The following SHE variants were observed in gnomAD, a reference collection of about 807,000 sequenced individuals.
The protein encoded by SHE is Src homology 2 domain containing E.
SHE carries 11 observed loss-of-function variants against 49.8 expected under a neutral mutation model. The ratio of observed to expected loss-of-function variants is 0.22; its 90% CI spans 0.14 to 0.37. The LOEUF is 0.37. Ranked by LOEUF, SHE falls within the 10% of genes least tolerant of loss-of-function variation. The pLI is 1.00. For synonymous variants in SHE, 310 were observed against 278.1 expected (o/e 1.11, Z -1.14); for missense variants, 624 against 655.5 (o/e 0.95, Z 0.52).
intron 5 of SHE, chr1:154,485,012 C>T (rs989426908): frequency 6.6e-6 from 1 of 151,574 alleles, no homozygotes; most frequent in Admixed American, 6.6e-5. Flanking sequence ...AAAACTCATC[C>T]TCCTCACCAC....
At chr1:154,489,503 CCT>C in intron 2 of SHE, 147 bp from the exon 3 acceptor site, 15 of 995,684 alleles carry the variant, frequency 1.5e-5, no homozygotes, top group Non-Finnish European at 2.2e-5. Flanking sequence ...AAGATTGCTC[CCT>C]GATAGGTTGA....
chr1:154,488,144 T>C (rs1458871436), intron 3 of SHE, among the ~76,000 whole-genome samples: 2 of 151,998 alleles, frequency 1.3e-5, no homozygotes, highest in Non-Finnish European at 2.9e-5. Flanking sequence ...CGTTTCACCA[T>C]GTTGGCCAGG....
At chr1:154,474,350 T>C (rs1430861324) in intron 1 of SHE, among the ~76,000 whole-genome samples, 1 of 152,152 alleles carries the variant, frequency 6.6e-6, no homozygotes, top group Non-Finnish European at 1.5e-5. Flanking sequence ...GTTCCTGACA[T>C]AGTTAACTCT....
chr1:154,473,489 G>A (rs1413299414), intron 1 of SHE, among the ~76,000 whole-genome samples: 1 of 151,388 alleles, frequency 6.6e-6, no homozygotes, highest in Non-Finnish European at 1.5e-5. Context: ...GGGGACAGGG[G>A]TCGAAGGGGA....
Position 154,483,514 on chromosome 1 carries a change from C to A in SHE, c.*635G>T. 1.0e-6 allele frequency: 1 copy of A among 985,400 alleles called. No individual in the cohort carries two copies. Among genetic ancestry groups the A allele is most frequent in the Non-Finnish European group, 1.2e-6 (1 of 829,934 alleles). 61.0% of individuals were successfully genotyped at this position (985,400 alleles called of 1,614,324 possible). A position where few individuals can be genotyped will look rare whatever the true frequency, so the allele number is the denominator to read the frequency against. ...CCAGGTATTCCAGGTAACAAGTAGG[C>A]ACATTTCTAGAGAACTCTGATGCTC... On this transcript the variant is annotated 3_prime_UTR_variant, in exon 6 of 6. Coordinates refer to ENST00000304760, the MANE Select transcript of SHE (RefSeq NM_001010846.3).
rs2149290670 is a variant in SHE at position 154,483,972 on chromosome 1, TG to T, written c.*176del. The T allele has an allele frequency of 7.1e-7, 1 of 1,406,910 alleles. No individual in the cohort carries two copies. Among genetic ancestry groups the T allele is most frequent in the Non-Finnish European group, 9.2e-7 (1 of 1,081,600 alleles). The allele number at this position is 1,406,910 out of a possible 1,614,324, so 87.2% of individuals were successfully genotyped here. On this transcript the variant is annotated 3_prime_UTR_variant, in exon 6 of 6. Transcript: ENST00000304760. Reference sequence around the variant, plus strand: ...AAGATTGCGCCATTGCACTCCAGCCTGGGCAACACAGCGAGACTTCGTCTCA... The same window carrying T: ...AAGATTGCGCCATTGCACTCCAGCCTGGCAACACAGCGAGACTTCGTCTCA...
At chr1:154,473,863 T>A (rs1428745174) in intron 1 of SHE, among the ~76,000 whole-genome samples, 1 of 152,202 alleles carries the variant, frequency 6.6e-6, no homozygotes, top group East Asian at 1.9e-4. Flanking sequence ...CACCATGTGC[T>A]TTATAAACAG....
chr1:154,494,473 C>CA (rs1451840284), intron 2 of SHE, among the ~76,000 whole-genome samples: 6 of 148,690 alleles, frequency 4.0e-5, no homozygotes, highest in African/African-American at 1.5e-4. Context: ...CTTGGCCTCC[C>CA]AGAGTGCTAG....
Position 154,480,356 on chromosome 1 carries a change from G to A in SHE, c.*3793C>T. On this transcript the variant is annotated 3_prime_UTR_variant, in exon 6 of 6. Transcript: ENST00000304760. ...AGGGGCTAACCTTTGACTGAAAAAG[G>A]GCATCTGACAGAACAGAAACTAACC... 3.0e-6 allele frequency: 3 copies of A among 985,350 alleles called. No individual in the cohort carries two copies. Among genetic ancestry groups the A allele is most frequent in the Non-Finnish European group, 3.6e-6 (3 of 829,920 alleles). The allele number at this position is 985,350 out of a possible 1,614,324, so 61.0% of individuals were successfully genotyped here.
At chr1:154,477,970 GC>G (rs1401355385), downstream of SHE, among the ~76,000 whole-genome samples, 2 of 150,972 alleles carry the variant, frequency 1.3e-5, no homozygotes, top group African/African-American at 4.9e-5. Context: ...TCCTTCCCCA[GC>G]CCCTGGCAAC....
chr1:154,482,212 C>G lies in SHE; in HGVS notation c.*1937G>C, dbSNP rs1158810756. On this transcript the variant is annotated 3_prime_UTR_variant, in exon 6 of 6. Coordinates refer to ENST00000304760, the MANE Select transcript of SHE (RefSeq NM_001010846.3). ...TATTTTTACTACAGACAGGGTTTCA[C>G]CATGTTGGCCAGGCTGGTCTCAAAC... The G allele has an allele frequency of 1.9e-6, 1 of 521,692 alleles. No homozygotes were observed. The highest frequency in any genetic ancestry group is 1.5e-4 in the East Asian group (1 of 6,752). The allele number at this position is 521,692 out of a possible 1,614,324, so 32.3% of individuals were successfully genotyped here. A position where few individuals can be genotyped will look rare whatever the true frequency, so the allele number is the denominator to read the frequency against.
Position 154,484,026 on chromosome 1 carries a change from C to T in SHE, c.*123G>A. The T allele has an allele frequency of 1.4e-6, 2 of 1,450,134 alleles. No homozygotes were observed. The highest frequency in any genetic ancestry group is 1.5e-5 in the South Asian group (1 of 66,942). 89.8% of individuals were successfully genotyped at this position (1,450,134 alleles called of 1,614,324 possible). On this transcript the variant is annotated 3_prime_UTR_variant, in exon 6 of 6. Coordinates refer to ENST00000304760, the MANE Select transcript of SHE (RefSeq NM_001010846.3). ...CAAAACAAAACAAATCACTCTCTGA[C>T]TTTTCAAGGAAGACTCCCATTTTCT...
At chr1:154,478,950 C>G (rs1288827466), downstream of SHE, among the ~76,000 whole-genome samples, 1 of 152,206 alleles carries the variant, frequency 6.6e-6, no homozygotes, top group East Asian at 1.9e-4. Context: ...TGATAGCAGA[C>G]TCAACAGTAT....
chr1:154,497,498 A>T (rs182108705), intron 2 of SHE, among the ~76,000 whole-genome samples: 4 of 152,380 alleles, frequency 2.6e-5, no homozygotes, highest in African/African-American at 9.6e-5. Context: ...ATTTTTATTT[A>T]AGTATCATTT....
chr1:154,489,078 T>C lies in SHE; in HGVS notation c.997A>G (p.Lys333Glu). 6.3e-7 allele frequency: 1 copy of C among 1,598,238 alleles called. No individual in the cohort carries two copies. Among genetic ancestry groups the C allele is most frequent in the Non-Finnish European group, 8.5e-7 (1 of 1,170,134 alleles). The change falls in exon 3 of 6, where the codon AAG becomes GAG. Residue 333 changes from lysine (K) to glutamate (E), a missense_variant. Lys to Glu is a moderately conservative substitution (Grantham distance 56). Transcript: ENST00000304760. ...GACAGAGCCCGCACGATCTGCTCCT[T>C]CTTCCACTCCCATGGCTGCTCGTAC... ...AEYEQPWEWK[K>E]EQIVRALSVQ...
intron 1 of SHE, among the ~76,000 whole-genome samples, chr1:154,474,341 T>C (rs1691824924): frequency 6.6e-6 from 1 of 152,170 alleles, no homozygotes; most frequent in Admixed American, 6.5e-5. Flanking sequence ...GCAAAACTAG[T>C]TCCTGACATA....
At chr1:154,479,397 T>C (rs529881431), downstream of SHE, 26 of 621,004 alleles carry the variant, frequency 4.2e-5, no homozygotes, top group East Asian at 3.5e-3. Flanking sequence ...CAAATGAAAC[T>C]CTGCTGTAGC....
intron 2 of SHE, among the ~76,000 whole-genome samples, chr1:154,497,538 G>T (rs2149298822): frequency 6.6e-6 from 1 of 152,242 alleles, no homozygotes; most frequent in East Asian, 1.9e-4. Context: ...ATGACTAAAA[G>T]GGAAAAGTTT....
intron 2 of SHE, among the ~76,000 whole-genome samples, chr1:154,495,978 C>T (rs924083198): frequency 2.0e-5 from 3 of 152,144 alleles, no homozygotes; most frequent in Admixed American, 6.5e-5. Context: ...TCAAGAAAGA[C>T]GGGAAATTTC....
Sources: allele counts gnomAD v4.1 joint callset (sites outside exome capture counted in the v4.1 genomes callset), GRCh38; gene constraint gnomAD v4.1.1; transcripts MANE v1.5; gene names NCBI Gene and HGNC (gene_info 2026-07-23, HGNC 2026-07-21).